Variants in TNFSF11 observed in about 807,000 individuals in gnomAD.
TNFSF11 encodes tumor necrosis factor ligand superfamily member 11.
Under a neutral mutation model 32.2 loss-of-function variants are expected in TNFSF11, and 12 were observed. That is an observed-to-expected ratio of 0.37 (90% CI 0.24 to 0.60). The LOEUF (loss-of-function observed/expected upper bound fraction) is 0.60, where lower values mean the gene tolerates loss of function less well. Ranked by LOEUF, TNFSF11 falls within the 20% of genes least tolerant of loss-of-function variation. The pLI is 0.66. For synonymous variants in TNFSF11, 172 were observed against 152.1 expected, an observed-to-expected ratio of 1.13 and a Z score of -0.96; for missense variants, 345 against 398.0, an observed-to-expected ratio of 0.87 and a Z score of 1.13.
chr13:42,592,862 C>T (rs1362329261), intron 2 of TNFSF11, among the ~76,000 whole-genome samples: 2 of 152,166 alleles, frequency 1.3e-5, no homozygotes, highest in Non-Finnish European at 2.9e-5. Context: ...CCTGCTTGCA[C>T]TCACTCCGTC....
chr13:42,574,273 G>A lies in TNFSF11; in HGVS notation c.-31G>A, dbSNP rs1873187631. 2.6e-6 allele frequency: 4 copies of A among 1,545,122 alleles called. No homozygotes were observed. Among genetic ancestry groups the A allele is most frequent in the Admixed American group, 2.0e-5 (1 of 50,948 alleles). ...AGAAGGGGAGGGAGCGGGAGAGGGA[G>A]GAGAGCTCCGAAGCGAGAGGGCCGA... On this transcript the variant is annotated 5_prime_UTR_variant, in exon 1 of 5. Transcript: ENST00000398795.
intron 2 of TNFSF11, 47 bp from the exon 3 acceptor site, chr13:42,600,705 A>C (rs757148433): frequency 3.3e-5 from 51 of 1,552,380 alleles, no homozygotes; most frequent in Non-Finnish European, 4.2e-5. Flanking sequence ...ATTGCTTTAC[A>C]GAAAGAATGA....
chr13:42,605,840 A>G (rs1014153088), intron 4 of TNFSF11, among the ~76,000 whole-genome samples: 2 of 152,206 alleles, frequency 1.3e-5, no homozygotes, highest in African/African-American at 2.4e-5. Context: ...AGGTGAAGAA[A>G]ATAGATTATG....
At chr13:42,574,800 G>T (rs1873226945) in intron 1 of TNFSF11, among the ~76,000 whole-genome samples, 1 of 152,216 alleles carries the variant, frequency 6.6e-6, no homozygotes, top group African/African-American at 2.4e-5. Context: ...ATCTCACCCC[G>T]TCCCTTCGCT....
At chr13:42,592,643 C>T (rs1868551182) in intron 2 of TNFSF11, among the ~76,000 whole-genome samples, 1 of 152,164 alleles carries the variant, frequency 6.6e-6, no homozygotes, top group Non-Finnish European at 1.5e-5. Flanking sequence ...TTGATGTCAA[C>T]CGGGAGGTCA....
chr13:42,589,350 G>A (rs1874052306), intron 2 of TNFSF11, among the ~76,000 whole-genome samples: 1 of 152,140 alleles, frequency 6.6e-6, no homozygotes, highest in Non-Finnish European at 1.5e-5. Context: ...CATGAACAGA[G>A]GTCATCATCC....
At chr13:42,591,427 C>T (rs1288701111) in intron 2 of TNFSF11, among the ~76,000 whole-genome samples, 1 of 152,048 alleles carries the variant, frequency 6.6e-6, no homozygotes, top group Admixed American at 6.5e-5. Flanking sequence ...GACCTGCCCT[C>T]TCACCTCCCC....
chr13:42,594,526 G>T (rs913461825), intron 2 of TNFSF11, among the ~76,000 whole-genome samples: 2 of 152,174 alleles, frequency 1.3e-5, no homozygotes, highest in African/African-American at 4.8e-5. Context: ...AAAGAGGGGC[G>T]TATCCTTTGC....
In TNFSF11 at chr13:42,607,301, C is replaced by T. The variant is rs9567000; in HGVS notation, c.*383C>T. ...GCAATTGAAGGATCATCTGAAGGGG[C>T]AAATTCTTTTGAATTGTTACATCAT... On this transcript the variant is annotated 3_prime_UTR_variant, in exon 5 of 5. Transcript: ENST00000398795. 3,834 of 168,512 alleles carry T rather than the reference C, an allele frequency of 0.023. 62 individuals carry two copies. The highest frequency in any genetic ancestry group is 0.048 in the African/African-American group (2,006 of 41,914). The allele number at this position is 168,512 out of a possible 1,614,324, so 10.4% of individuals were successfully genotyped here. A position where few individuals can be genotyped will look rare whatever the true frequency, so the allele number is the denominator to read the frequency against.
At chr13:42,563,723 G>A (rs895684582) in intron 1 of TNFSF11, among the ~76,000 whole-genome samples, 2 of 151,916 alleles carry the variant, frequency 1.3e-5, no homozygotes, top group Non-Finnish European at 2.9e-5. Flanking sequence ...TCCAGCCTGA[G>A]GGAAAATATA....
At chr13:42,569,208 G>T (rs574313941), upstream of TNFSF11, among the ~76,000 whole-genome samples, 1 of 152,206 alleles carries the variant, frequency 6.6e-6, no homozygotes, top group South Asian at 2.1e-4. Flanking sequence ...AGATGATCCT[G>T]GATAGTCTGG....
chr13:42,598,791 A>G (rs964017924), intron 2 of TNFSF11, among the ~76,000 whole-genome samples: 2 of 152,220 alleles, frequency 1.3e-5, no homozygotes, highest in Non-Finnish European at 2.9e-5. Context: ...TAAGGGAGAA[A>G]ATAAAAACCT....
At chr13:42,584,536 G>A (rs990033118) in intron 2 of TNFSF11, among the ~76,000 whole-genome samples, 13 of 152,164 alleles carry the variant, frequency 8.5e-5, no homozygotes, top group African/African-American at 3.1e-4. Flanking sequence ...TGACTCCTTA[G>A]GTAGTATGGA....
chr13:42,583,618 A>G (rs1027109996), intron 2 of TNFSF11, among the ~76,000 whole-genome samples: 2 of 151,942 alleles, frequency 1.3e-5, no homozygotes, highest in African/African-American at 4.8e-5. Flanking sequence ...ACAGAACTGG[A>G]TGGATTCTTG....
chr13:42,583,833 G>A (rs1873755177), intron 2 of TNFSF11, among the ~76,000 whole-genome samples: 2 of 151,892 alleles, frequency 1.3e-5, no homozygotes, highest in Non-Finnish European at 2.9e-5. Flanking sequence ...AATTACACAA[G>A]AGAATGAAAT....
At chr13:42,593,013 T>C (rs1456428117) in intron 2 of TNFSF11, among the ~76,000 whole-genome samples, 1 of 152,160 alleles carries the variant, frequency 6.6e-6, no homozygotes, top group African/African-American at 2.4e-5. Flanking sequence ...TGGCCAGTTC[T>C]TTATAGCAGT....
At chr13:42,577,500 G>GA (rs140731847) in intron 1 of TNFSF11, among the ~76,000 whole-genome samples, 3 of 151,716 alleles carry the variant, frequency 2.0e-5, no homozygotes, top group African/African-American at 4.8e-5. Context: ...GGTTTACAAA[G>GA]AAAAAAAATA....
intron 2 of TNFSF11, among the ~76,000 whole-genome samples, chr13:42,599,651 C>T (rs1869057504): frequency 1.3e-5 from 2 of 151,984 alleles, no homozygotes; most frequent in South Asian, 2.1e-4. Context: ...TACAACCTCC[C>T]CCGCAACCTC....
chr13:42,580,945 C>T (rs972479951), intron 1 of TNFSF11, among the ~76,000 whole-genome samples, 181 bp from the exon 2 acceptor site: 3 of 152,176 alleles, frequency 2.0e-5, no homozygotes, highest in Non-Finnish European at 2.9e-5. Flanking sequence ...GTCAGTTACT[C>T]GTTCAAATGA....
Sources: allele counts gnomAD v4.1 joint callset (sites outside exome capture counted in the v4.1 genomes callset), GRCh38; gene constraint gnomAD v4.1.1; transcripts MANE v1.5; gene names NCBI Gene and HGNC (gene_info 2026-07-23, HGNC 2026-07-21).